Variants in SPMIP6 observed in about 807,000 individuals in gnomAD.
The protein encoded by SPMIP6 is ciliated bronchial epithelial protein 1.
At chr9:34,394,739 T>C in the SPMIP6 span, among the ~76,000 whole-genome samples, 1 of 152,186 alleles carries the variant, frequency 6.6e-6, no homozygotes, top group Non-Finnish European at 1.5e-5. Context: ...TTAATTCCTC[T>C]ATCTTTCAGC....
chr9:34,394,134 A>G, the SPMIP6 span, among the ~76,000 whole-genome samples: 7 of 152,134 alleles, frequency 4.6e-5, no homozygotes, highest in South Asian at 2.1e-4. Context: ...CAGATTTCAC[A>G]TTTTTAAAAA....
At chr9:34,379,221 T>C in the SPMIP6 span, 1 of 1,204,250 alleles carries the variant, frequency 8.3e-7, no homozygotes, top group Non-Finnish European at 1.2e-6. This position sits in a 1 kb window ranked among gnomAD's most constrained non-coding sequence, Gnocchi z 4.2. Context: ...GATCCTCATA[T>C]GTCAAAGTGA....
the SPMIP6 span, among the ~76,000 whole-genome samples, chr9:34,388,655 C>G: frequency 6.6e-6 from 1 of 152,264 alleles, no homozygotes; most frequent in South Asian, 2.1e-4. Context: ...ACTTATTTAT[C>G]ATCTTTTCCA....
the SPMIP6 span, among the ~76,000 whole-genome samples, chr9:34,396,789 G>C: frequency 6.6e-6 from 1 of 152,118 alleles, no homozygotes; most frequent in Admixed American, 6.5e-5. Context: ...TCCACATCGG[G>C]CAACTCTACT....
chr9:34,383,586 A>G, the SPMIP6 span, among the ~76,000 whole-genome samples: 1 of 152,160 alleles, frequency 6.6e-6, no homozygotes, highest in African/African-American at 2.4e-5. Context: ...TCACTTCCAT[A>G]TCTTTGCAGC....
chr9:34,385,206 CT>C, the SPMIP6 span, among the ~76,000 whole-genome samples: 2 of 151,790 alleles, frequency 1.3e-5, no homozygotes, highest in African/African-American at 2.4e-5. Flanking sequence ...GGGAAGAAAT[CT>C]AGGTCATGGG....
the SPMIP6 span, among the ~76,000 whole-genome samples, chr9:34,384,956 A>G: frequency 1.3e-5 from 2 of 151,990 alleles, no homozygotes; most frequent in Admixed American, 6.6e-5. Flanking sequence ...AGAGGGATGC[A>G]GGAGAGGTGG....
At chr9:34,379,165 AG>A in the SPMIP6 span, 1 of 1,613,122 alleles carries the variant, frequency 6.2e-7, no homozygotes, top group Non-Finnish European at 8.5e-7. The surrounding 1 kb of genome is among the most constrained non-coding windows in gnomAD (Gnocchi z 4.2). Context: ...GACTTCTTGA[AG>A]TGACTTGTGT....
the SPMIP6 span, among the ~76,000 whole-genome samples, chr9:34,393,573 CTG>C: frequency 1.3e-5 from 2 of 152,064 alleles, no homozygotes; most frequent in African/African-American, 4.8e-5. Flanking sequence ...AGGTGCCTAA[CTG>C]TGGAATTTCT....
the SPMIP6 span, among the ~76,000 whole-genome samples, chr9:34,384,715 AAGACC>A: frequency 2.6e-5 from 4 of 152,236 alleles, no homozygotes; most frequent in Admixed American, 6.5e-5. Context: ...AGCTGTGAAT[AAGACC>A]AGACTCGGCT....
At chr9:34,386,076 T>G in the SPMIP6 span, among the ~76,000 whole-genome samples, 1 of 152,154 alleles carries the variant, frequency 6.6e-6, no homozygotes, top group African/African-American at 2.4e-5. Flanking sequence ...GGTGGGGAGC[T>G]CATGAAGGTC....
the SPMIP6 span, among the ~76,000 whole-genome samples, chr9:34,382,131 A>T: frequency 6.6e-6 from 1 of 152,190 alleles, no homozygotes; most frequent in African/African-American, 2.4e-5. Context: ...GGGAGGGGCC[A>T]GCTGGCAAGC....
chr9:34,387,818 A>C, the SPMIP6 span, among the ~76,000 whole-genome samples: 1 of 152,200 alleles, frequency 6.6e-6, no homozygotes, highest in Non-Finnish European at 1.5e-5. Flanking sequence ...TCGTTGGACA[A>C]TATTTTGCAA....
the SPMIP6 span, chr9:34,397,391 T>C: frequency 2.4e-6 from 3 of 1,264,186 alleles, no homozygotes; most frequent in Non-Finnish European, 3.5e-6. Flanking sequence ...GGTAAATGAA[T>C]AAAACACACA....
At chr9:34,380,677 G>A in the SPMIP6 span, 1 of 1,545,218 alleles carries the variant, frequency 6.5e-7, no homozygotes, top group Non-Finnish European at 8.7e-7. Context: ...ACAGGGGTCG[G>A]GGACTTGGAG....
At chr9:34,384,544 G>A in the SPMIP6 span, among the ~76,000 whole-genome samples, 3 of 152,206 alleles carry the variant, frequency 2.0e-5, no homozygotes. Flanking sequence ...AGGTCTCAGA[G>A]GGTAAAGACT....
chr9:34,393,985 C>A, the SPMIP6 span, among the ~76,000 whole-genome samples: 1 of 149,454 alleles, frequency 6.7e-6, no homozygotes, highest in Non-Finnish European at 1.5e-5. Flanking sequence ...TTAATGATTT[C>A]GTATTTTTAT....
At chr9:34,380,024 T>G in the SPMIP6 span, among the ~76,000 whole-genome samples, 11 of 152,316 alleles carry the variant, frequency 7.2e-5, no homozygotes, top group Non-Finnish European at 1.5e-4. Flanking sequence ...TCCCCGCCAC[T>G]GGACAGCAAT....
the SPMIP6 span, among the ~76,000 whole-genome samples, chr9:34,389,704 G>T: frequency 0.13 from 19,258 of 152,114 alleles, 1,575 homozygotes; most frequent in East Asian, 0.23. Context: ...CCATTCGTGA[G>T]CATGTTATAT....
Sources: gnomAD v4.1 joint callset for allele counts (sites outside exome capture counted in the v4.1 genomes callset) on GRCh38, gnomAD v4.1.1 for gene constraint, Gnocchi (gnomAD v3.1) non-coding constraint, MANE v1.5 for transcripts, NCBI Gene and HGNC (gene_info 2026-07-23, HGNC 2026-07-21) for gene names.